ADARB2: variants seen among roughly 807,000 people sequenced by gnomAD.
The protein encoded by ADARB2 is inactive double-stranded RNA-specific editase B2.
ADARB2 carries 25 observed loss-of-function variants against 62.2 expected under a neutral mutation model. The observed-to-expected ratio is 0.40, with a 90% CI of 0.29 to 0.56. The LOEUF (loss-of-function observed/expected upper bound fraction) is 0.56. ADARB2 is among the 20% of genes least tolerant of loss of function. The pLI is 0.43. For synonymous variants in ADARB2, 572 were observed against 500.8 expected, an observed-to-expected ratio of 1.14 and a Z score of -1.90; for missense variants, 1,071 against 1,077.4, an observed-to-expected ratio of 0.99 and a Z score of 0.08.
At chr10:1,598,700 G>A (rs1833368866) in intron 1 of ADARB2, among the ~76,000 whole-genome samples, 1 of 152,242 alleles carries the variant, frequency 6.6e-6, no homozygotes, top group Non-Finnish European at 1.5e-5. Context: ...AAGGCCCCAG[G>A]AGAGCTGGCG....
chr10:1,327,743 C>T (rs1220382116), intron 3 of ADARB2, among the ~76,000 whole-genome samples: 2 of 136,864 alleles, frequency 1.5e-5, no homozygotes, highest in East Asian at 2.3e-4. Flanking sequence ...CACGGCACAG[C>T]GCCTCACTGC....
chr10:1,276,219 T>C (rs1027100575), intron 3 of ADARB2, among the ~76,000 whole-genome samples: 1 of 152,240 alleles, frequency 6.6e-6, no homozygotes, highest in African/African-American at 2.4e-5. Context: ...TGAGATGGTG[T>C]CTCATTGTGG....
At chr10:1,440,910 A>C (rs997517963) in intron 1 of ADARB2, among the ~76,000 whole-genome samples, 1 of 152,222 alleles carries the variant, frequency 6.6e-6, no homozygotes, top group African/African-American at 2.4e-5. Flanking sequence ...ACGAAAATTC[A>C]TGTGTTCAAG....
chr10:1,341,266 C>A, intron 3 of ADARB2, among the ~76,000 whole-genome samples: 1 of 151,474 alleles, frequency 6.6e-6, no homozygotes, highest in South Asian at 2.1e-4. Flanking sequence ...ACCACATGCC[C>A]CACAGCGGCA....
chr10:1,492,083 G>A (rs1831629191), intron 1 of ADARB2, among the ~76,000 whole-genome samples: 1 of 152,092 alleles, frequency 6.6e-6, no homozygotes, highest in African/African-American at 2.4e-5. Context: ...TTTGATTTAG[G>A]GAACTGAGTA....
chr10:1,625,730 G>A (rs778794703), intron 1 of ADARB2, among the ~76,000 whole-genome samples: 11 of 152,232 alleles, frequency 7.2e-5, no homozygotes, highest in East Asian at 1.9e-4. Context: ...GATCCAGCCC[G>A]TGGGACCCAG....
chr10:1,395,276 T>C (rs1342565566), intron 1 of ADARB2, among the ~76,000 whole-genome samples: 3 of 152,174 alleles, frequency 2.0e-5, no homozygotes, highest in Non-Finnish European at 4.4e-5. Context: ...AATCGAAGCC[T>C]AATGCACAAG....
At chr10:1,224,891 T>C (rs1489177126) in intron 6 of ADARB2, among the ~76,000 whole-genome samples, 1 of 152,228 alleles carries the variant, frequency 6.6e-6, no homozygotes, top group East Asian at 1.9e-4. Context: ...ATGTATATTC[T>C]GTTGATTTGG....
intron 7 of ADARB2, among the ~76,000 whole-genome samples, chr10:1,210,566 G>C (rs1213274259): frequency 6.6e-6 from 1 of 152,220 alleles, no homozygotes; most frequent in Non-Finnish European, 1.5e-5. Flanking sequence ...CCTCCATAAA[G>C]TCGTCTGCGT....
At chr10:1,484,344 C>A (rs1831516002) in intron 1 of ADARB2, among the ~76,000 whole-genome samples, 2 of 152,200 alleles carry the variant, frequency 1.3e-5, no homozygotes, top group South Asian at 4.1e-4. Flanking sequence ...TAAACACTCG[C>A]GTGTGAGAAA....
intron 4 of ADARB2, among the ~76,000 whole-genome samples, chr10:1,259,490 A>G (rs1831113335): frequency 6.6e-6 from 1 of 152,264 alleles, no homozygotes; most frequent in Admixed American, 6.5e-5. Flanking sequence ...CCACAGAAAT[A>G]CAAACTACCA....
At chr10:1,632,353 C>T (rs1262560835) in intron 1 of ADARB2, among the ~76,000 whole-genome samples, 2 of 151,838 alleles carry the variant, frequency 1.3e-5, no homozygotes, top group Non-Finnish European at 2.9e-5. Flanking sequence ...ACACACAGTA[C>T]ACGTATACTC....
rs756484394 is a variant in ADARB2, at chr10:1,186,585, C to T, written c.1865-1546G>A. 1.7e-5 allele frequency: 9 copies of T among 518,526 alleles called. No individual in the cohort carries two copies. In the East Asian group the frequency reaches 2.2e-4, roughly 13 times the overall value. The allele number at this position is 518,526 out of a possible 1,614,324, so 32.1% of individuals were successfully genotyped here. On this transcript the variant is annotated intron_variant, in intron 8 of 9. Coordinates refer to ENST00000381312, the MANE Select transcript of ADARB2 (RefSeq NM_018702.4). ...GCAGATCAGCTCTGCCTCTCCAGCC[C>T]TTCCTGCCTTCCTGGCCTGCTGTCC... is the stretch of plus-strand genomic sequence containing the variant.
At chr10:1,235,245 C>T (rs1428425104) in intron 5 of ADARB2, among the ~76,000 whole-genome samples, 9 of 140,314 alleles carry the variant, frequency 6.4e-5, no homozygotes, top group African/African-American at 2.2e-4. Context: ...GCCTGGGCTC[C>T]GTCACCAGCA....
At chr10:1,334,980 C>T (rs1564260616) in intron 3 of ADARB2, among the ~76,000 whole-genome samples, 1 of 152,122 alleles carries the variant, frequency 6.6e-6, no homozygotes, top group Non-Finnish European at 1.5e-5. Flanking sequence ...CATGTGGGGC[C>T]CTTGTTAAAA....
chr10:1,521,794 C>A (rs1445732983), intron 1 of ADARB2, among the ~76,000 whole-genome samples: 10 of 151,016 alleles, frequency 6.6e-5, no homozygotes, highest in African/African-American at 1.7e-4. Flanking sequence ...CCACTACCCC[C>A]AACCCCTTCC....
At chr10:1,261,641 A>C (rs936410352) in intron 4 of ADARB2, among the ~76,000 whole-genome samples, 1 of 149,676 alleles carries the variant, frequency 6.7e-6, no homozygotes, top group Admixed American at 6.6e-5. Context: ...GTCAGGAAAC[A>C]ACAGGTGCTG....
At chr10:1,252,716 A>G (rs1831047650) in intron 4 of ADARB2, among the ~76,000 whole-genome samples, 1 of 151,136 alleles carries the variant, frequency 6.6e-6, no homozygotes, top group Non-Finnish European at 1.5e-5. Context: ...ATTTCCTCTA[A>G]TTAGTTCGAA....
At chr10:1,186,472 C>G in intron 8 of ADARB2, 1 of 518,926 alleles carries the variant, frequency 1.9e-6, no homozygotes, top group South Asian at 1.4e-5. Context: ...CCTGAATCTC[C>G]CACCTCCCGC....
Sources: allele counts gnomAD v4.1 joint callset (sites outside exome capture counted in the v4.1 genomes callset), GRCh38; gene constraint gnomAD v4.1.1; transcripts MANE v1.5; gene names NCBI Gene and HGNC (gene_info 2026-07-23, HGNC 2026-07-21).